The following DLG4 variants were observed in gnomAD, a reference collection of about 807,000 sequenced individuals.
The protein encoded by DLG4 is disks large homolog 4.
Under a neutral mutation model 93.8 loss-of-function variants are expected in DLG4, and 7 were observed. The ratio of observed to expected loss-of-function variants is 0.07; its 90% CI spans 0.04 to 0.14. The LOEUF (loss-of-function observed/expected upper bound fraction) is 0.14. Ranked by LOEUF, DLG4 falls within the 10% of genes least tolerant of loss-of-function variation. DLG4 has a pLI of 1.00. For synonymous variants in DLG4, 341 were observed against 387.6 expected, an observed-to-expected ratio of 0.88 and a Z score of 1.41; for missense variants, 545 against 992.9, an observed-to-expected ratio of 0.55 and a Z score of 6.06.
chr17:7,219,766 TGG>T, upstream of DLG4: 1 of 1,479,386 alleles, frequency 6.8e-7, no homozygotes, highest in Non-Finnish European at 9.0e-7. Context: ...TTAAGGAGTT[TGG>T]GGGAGACGAG....
chr17:7,191,839 C>A lies in DLG4; in HGVS notation c.1976+54G>T. On this transcript the variant is annotated intron_variant, in intron 18 of 19. Coordinates refer to ENST00000399506, the MANE Select transcript of DLG4 (RefSeq NM_001321075.3). The surrounding 1 kb of genome is among the most constrained non-coding windows in gnomAD (Gnocchi z 6.6). ...GTTGAACGCAGACGCCTTGTGAGGC[C>A]CAGGGCCACAGGTGTTGGGGGAGCA... is the stretch of plus-strand genomic sequence containing the variant. The A allele has an allele frequency of 7.8e-7, 1 of 1,286,974 alleles. No homozygotes were observed. Among genetic ancestry groups the A allele is most frequent in the Non-Finnish European group, 1.0e-6 (1 of 957,660 alleles). 79.7% of individuals were successfully genotyped at this position (1,286,974 alleles called of 1,614,324 possible).
chr17:7,218,598 G>A (rs747053840), upstream of DLG4: 23 of 1,566,204 alleles, frequency 1.5e-5, no homozygotes, highest in Admixed American at 9.5e-5. Flanking sequence ...GGTGCCCACC[G>A]CAGCAGTGGG....
At position 7,194,132 on chromosome 17, in the gene DLG4, A is replaced by G. The variant is rs1319593309; in HGVS notation, c.1479-132T>C. 1 of 1,356,628 alleles carries G rather than the reference A, an allele frequency of 7.4e-7. No homozygotes were observed. Among genetic ancestry groups the G allele is most frequent in the Admixed American group, 2.2e-5 (1 of 46,266 alleles). The allele number at this position is 1,356,628 out of a possible 1,614,324, so 84.0% of individuals were successfully genotyped here. A position where few individuals can be genotyped will look rare whatever the true frequency, so the allele number is the denominator to read the frequency against. ...CACCCCTTCTCCTGCAGCCCTGGAC[A>G]CTGTGCTCCTCAATAAGGAGTTGTC... On this transcript the variant is annotated intron_variant, in intron 12 of 19. Transcript: ENST00000399506. The surrounding 1 kb of genome is among the most constrained non-coding windows in gnomAD (Gnocchi z 4.4).
upstream of DLG4, chr17:7,218,581 G>A (rs534520593): frequency 4.5e-6 from 7 of 1,566,592 alleles, no homozygotes; most frequent in East Asian, 1.4e-4. Flanking sequence ...GCACTGTGAG[G>A]AGTGGGGGTG....
intron 1 of DLG4, among the ~76,000 whole-genome samples, chr17:7,214,985 A>C (rs763799399): frequency 4.5e-4 from 68 of 152,194 alleles, no homozygotes; most frequent in Non-Finnish European, 8.7e-4. Context: ...CAACGACCGC[A>C]AAGCCTGAGC....
At chr17:7,217,676 G>C (rs2070994848), upstream of DLG4, 1 of 1,490,538 alleles carries the variant, frequency 6.7e-7, no homozygotes, top group Non-Finnish European at 9.0e-7. Flanking sequence ...CCAGAATGGG[G>C]GGGGTGCCTT....
upstream of DLG4, chr17:7,218,784 CCA>C: frequency 6.2e-7 from 1 of 1,612,092 alleles, no homozygotes; most frequent in Non-Finnish European, 8.5e-7. Flanking sequence ...CCCCAGCCCC[CCA>C]CTTCGCTCCC....
Position 7,193,598 on chromosome 17 carries a change from C to T in DLG4, c.1592-14G>A. The T allele has an allele frequency of 6.6e-7, 1 of 1,523,780 alleles. No individual in the cohort carries two copies. The highest frequency in any genetic ancestry group is 8.8e-7 in the Non-Finnish European group (1 of 1,138,210). 94.4% of individuals were successfully genotyped at this position (1,523,780 alleles called of 1,614,324 possible). ...GAGCATAGTGCACTGCAGAGAGAGC[C>T]TGGCTTAGGCCGAGCGCAGGGTTGG... On this transcript the variant is annotated splice_polypyrimidine_tract_variant and intron_variant, in intron 15 of 19. Coordinates refer to ENST00000399506, the MANE Select transcript of DLG4 (RefSeq NM_001321075.3). The surrounding 1 kb of genome is among the most constrained non-coding windows in gnomAD (Gnocchi z 6.7).
At position 7,208,052 on chromosome 17, in the gene DLG4, AG is replaced by A. The variant is rs759334778; in HGVS notation, c.96+121del. The A allele has an allele frequency of 3.9e-6, 5 of 1,289,452 alleles. No homozygotes were observed. In the African/African-American group the frequency reaches 7.6e-5, roughly 20 times the overall value. 79.9% of individuals were successfully genotyped at this position (1,289,452 alleles called of 1,614,324 possible). A position where few individuals can be genotyped will look rare whatever the true frequency, so the allele number is the denominator to read the frequency against. ...CGAGGCTCCGAGGGCCGCACTGGGGAGGGGGCCACCAGGGTCTCCTACCTTG... is the reference window on the plus strand; with the variant it reads ...CGAGGCTCCGAGGGCCGCACTGGGGAGGGGCCACCAGGGTCTCCTACCTTG... On this transcript the variant is annotated intron_variant, in intron 2 of 19. Coordinates refer to ENST00000399506, the MANE Select transcript of DLG4 (RefSeq NM_001321075.3). The surrounding 1 kb of genome is among the most constrained non-coding windows in gnomAD (Gnocchi z 5.4).
At chr17:7,211,292 G>A (rs1052664338) in intron 1 of DLG4, among the ~76,000 whole-genome samples, 22 of 151,864 alleles carry the variant, frequency 1.4e-4, no homozygotes, top group African/African-American at 5.3e-4. Flanking sequence ...CCCTAACCCA[G>A]ACAACTCAGA....
chr17:7,208,050 G>C lies in DLG4; in HGVS notation c.96+124C>G, dbSNP rs1028981598. 26 of 1,299,720 alleles carry C rather than the reference G, an allele frequency of 2.0e-5. No individual in the cohort carries two copies. Among genetic ancestry groups the C allele is most frequent in the Non-Finnish European group, 2.6e-5 (26 of 1,017,524 alleles). The allele number at this position is 1,299,720 out of a possible 1,614,324, so 80.5% of individuals were successfully genotyped here. ...TCCGAGGCTCCGAGGGCCGCACTGG[G>C]GAGGGGGCCACCAGGGTCTCCTACC... On this transcript the variant is annotated intron_variant, in intron 2 of 19. Coordinates refer to ENST00000399506, the MANE Select transcript of DLG4 (RefSeq NM_001321075.3). The surrounding 1 kb of genome is among the most constrained non-coding windows in gnomAD (Gnocchi z 5.4).
chr17:7,218,106 C>A (rs2071017939), upstream of DLG4: 1 of 797,506 alleles, frequency 1.3e-6, no homozygotes, highest in East Asian at 2.7e-5. Flanking sequence ...CTCGGTGCCC[C>A]AAGTCCCTGG....
chr17:7,211,380 A>C (rs1222970043), intron 1 of DLG4, among the ~76,000 whole-genome samples: 1 of 151,832 alleles, frequency 6.6e-6, no homozygotes. Context: ...GGGGACACGG[A>C]CGGAGTCGCT....
At chr17:7,199,305 T>C (rs1176287712) in intron 8 of DLG4, among the ~76,000 whole-genome samples, 2 of 151,940 alleles carry the variant, frequency 1.3e-5, no homozygotes, top group Non-Finnish European at 2.9e-5. Flanking sequence ...GTTCAAGGGA[T>C]TCTCCCACCT....
rs553920786 is a variant in DLG4, at chr17:7,191,010, G to T, written c.2069-196C>A. On this transcript the variant is annotated intron_variant, in intron 19 of 19. Coordinates refer to ENST00000399506, the MANE Select transcript of DLG4 (RefSeq NM_001321075.3). The surrounding 1 kb of genome is among the most constrained non-coding windows in gnomAD (Gnocchi z 6.6). ...TTTGAGATTGAGTTTTGCTCTTAGC[G>T]CCAGGCTGGAGTGCAGTGGTGCGAT... Among the ~76,000 whole-genome samples the T allele has an allele frequency of 3.0e-5, 4 of 133,848 alleles. No individual in the cohort carries two copies. The highest frequency in any genetic ancestry group is 8.1e-5 in the Admixed American group (1 of 12,340). 87.8% of individuals were successfully genotyped at this position (133,848 alleles called of 152,430 possible).
In DLG4 at chr17:7,195,728, G is replaced by A. The variant is rs780211328; in HGVS notation, c.1301+492C>T. ...GGAGGGGTGACCCCCGGGGGCGGGAGAGAGGTGTGTTTTGGCAGAAACCTA... is the reference window on the plus strand; with the variant it reads ...GGAGGGGTGACCCCCGGGGGCGGGAAAGAGGTGTGTTTTGGCAGAAACCTA... On this transcript the variant is annotated intron_variant, in intron 11 of 19. Coordinates refer to ENST00000399506, the MANE Select transcript of DLG4 (RefSeq NM_001321075.3). This position sits in a 1 kb window ranked among gnomAD's most constrained non-coding sequence, Gnocchi z 4.3. Among the ~76,000 whole-genome samples, 2 of 152,140 alleles carry A rather than the reference G, an allele frequency of 1.3e-5. No homozygotes were observed. The highest frequency in any genetic ancestry group is 4.1e-4 in the South Asian group (2 of 4,832).
chr17:7,219,949 A>G (rs372592554), upstream of DLG4: 3,891 of 936,354 alleles, frequency 4.2e-3, 8 homozygotes, highest in Non-Finnish European at 5.7e-3. Flanking sequence ...GAGCTGGGTC[A>G]GAGCTCGAGC....
upstream of DLG4, chr17:7,218,546 A>G: frequency 6.4e-7 from 1 of 1,559,648 alleles, no homozygotes; most frequent in Non-Finnish European, 8.7e-7. Flanking sequence ...CTCACCCAGC[A>G]AGGCCTGGAA....
In DLG4 at chr17:7,189,054, G is replaced by A. The variant is rs2069369391; in HGVS notation, c.*1654C>T. ...GTGAACCCAGCAGGCAGAGGTTGCAGTGAGCCAAGATCGCACCACAGCACT... is the reference window on the plus strand; with the variant it reads ...GTGAACCCAGCAGGCAGAGGTTGCAATGAGCCAAGATCGCACCACAGCACT... On this transcript the variant is annotated 3_prime_UTR_variant, in exon 20 of 20. Coordinates refer to ENST00000399506, the MANE Select transcript of DLG4 (RefSeq NM_001321075.3). Among the ~76,000 whole-genome samples the A allele has an allele frequency of 6.7e-6, 1 of 148,486 alleles. No individual in the cohort carries two copies.
Sources: gnomAD v4.1 joint callset for allele counts (sites outside exome capture counted in the v4.1 genomes callset) on GRCh38, gnomAD v4.1.1 for gene constraint, Gnocchi (gnomAD v3.1) non-coding constraint, MANE v1.5 for transcripts, NCBI Gene and HGNC (gene_info 2026-07-23, HGNC 2026-07-21) for gene names.